CLN3: variants seen among roughly 807,000 people sequenced by gnomAD.
The protein encoded by CLN3 is CLN3 lysosomal/endosomal transmembrane protein, battenin, also known as battenin.
CLN3 carries 49 observed loss-of-function variants against 60.7 expected under a neutral mutation model. The ratio of observed to expected loss-of-function variants is 0.81; its 90% confidence interval spans 0.64 to 1.02. The LOEUF is 1.02. Ranked by LOEUF, CLN3 falls within the 50% of genes least tolerant of loss-of-function variation. CLN3 has a pLI of 0.00. For synonymous variants in CLN3, 256 were observed against 245.8 expected, an observed-to-expected ratio of 1.04 and a Z score of -0.39; for missense variants, 516 against 557.4, an observed-to-expected ratio of 0.93 and a Z score of 0.75.
rs2141693994 is a variant in CLN3 at position 28,477,727 on chromosome 16, C to T, written c.1197+10G>A. On this transcript the variant is annotated intron_variant, in intron 15 of 15. Coordinates refer to ENST00000636147, the MANE Select transcript of CLN3 (RefSeq NM_001042432.2). Reference sequence around the variant, plus strand: ...AGGCCACCCCCAGCCCTTGCCCGGCCAATGCTGACCTCCAGGGCGATGTTG... The same window carrying T: ...AGGCCACCCCCAGCCCTTGCCCGGCTAATGCTGACCTCCAGGGCGATGTTG... 1 of 1,614,166 alleles carries T rather than the reference C, an allele frequency of 6.2e-7. No individual in the cohort carries two copies.
At chr16:28,488,739 T>C in intron 4 of CLN3, 77 bp from the exon 5 acceptor site, 1 of 1,412,800 alleles carries the variant, frequency 7.1e-7, no homozygotes, top group South Asian at 1.1e-5. Flanking sequence ...GTCCCAGCTC[T>C]GCCTTCACTT....
chr16:28,478,368 C>A (rs1328109918), intron 14 of CLN3, among the ~76,000 whole-genome samples: 4 of 150,310 alleles, frequency 2.7e-5, no homozygotes, highest in Non-Finnish European at 5.9e-5. Context: ...GTAATACCAG[C>A]ACATTGGGAG....
chr16:28,467,580 TTGG>T, the CLN3 span, among the ~76,000 whole-genome samples: 1 of 142,362 alleles, frequency 7.0e-6, no homozygotes, highest in Admixed American at 7.1e-5. Context: ...TTGTTTTTGT[TTGG>T]TGTTTTGTTT....
chr16:28,491,134 G>T, intron 3 of CLN3: 2 of 266,976 alleles, frequency 7.5e-6, no homozygotes, highest in Non-Finnish European at 1.4e-5. Context: ...TAGTAGTGAT[G>T]CATTTATTTA....
At chr16:28,468,517 TAAC>T in the CLN3 span, among the ~76,000 whole-genome samples, 1 of 146,452 alleles carries the variant, frequency 6.8e-6, no homozygotes, top group Non-Finnish European at 1.5e-5. Context: ...GCTTAAAAAT[TAAC>T]AAGGTGGGCC....
At chr16:28,484,146 A>C (rs1261569445) in intron 9 of CLN3, 28 bp from the exon 10 acceptor site, 6 of 1,549,134 alleles carry the variant, frequency 3.9e-6, no homozygotes, top group Non-Finnish European at 5.3e-6. Flanking sequence ...GCAGGGTCAG[A>C]AAACCCTACT....
chr16:28,488,835 G>C (rs1449116310), intron 4 of CLN3, among the ~76,000 whole-genome samples, 173 bp from the exon 5 acceptor site: 4 of 152,188 alleles, frequency 2.6e-5, no homozygotes, highest in Non-Finnish European at 5.9e-5. Context: ...TTCCATATGA[G>C]TCTCACACTA....
At chr16:28,482,574 G>C (rs2046119182) in intron 11 of CLN3, 29 bp from the exon 12 acceptor site, 1 of 1,613,946 alleles carries the variant, frequency 6.2e-7, no homozygotes, top group African/African-American at 1.3e-5. Context: ...ATAAGCGGGG[G>C]GCCTGGAGGT....
chr16:28,481,911 C>T lies in CLN3; in HGVS notation c.1056+194G>A, dbSNP rs1197553209. 7.9e-5 allele frequency among the ~76,000 whole-genome samples: 12 copies of T among 151,062 alleles called. No homozygotes were observed. In the South Asian group the frequency reaches 1.5e-3, roughly 18 times the overall value. On this transcript the variant is annotated intron_variant, in intron 14 of 15. Coordinates refer to ENST00000636147, the MANE Select transcript of CLN3 (RefSeq NM_001042432.2). ...CTGAGGCAGGAGAGTCACTTGAACC[C>T]GGGAGGCAGAGGTTGCAGTAAGCCA...
intron 10 of CLN3, 108 bp from the exon 11 acceptor site, chr16:28,482,780 A>C: frequency 8.9e-5 from 104 of 1,164,024 alleles, no homozygotes; most frequent in Non-Finnish European, 1.3e-4. Context: ...GTGGGAACTC[A>C]CTTCCATGCC....
downstream of CLN3, among the ~76,000 whole-genome samples, chr16:28,474,923 C>G (rs1278762972): frequency 6.6e-6 from 1 of 152,038 alleles, no homozygotes; most frequent in Non-Finnish European, 1.5e-5. Flanking sequence ...AGCAACAAAG[C>G]AAGACCTCGT....
At chr16:28,486,906 C>CT (rs1275090420) in intron 7 of CLN3, 1 of 560,418 alleles carries the variant, frequency 1.8e-6, no homozygotes. Context: ...CTTCATCAGT[C>CT]TTTTTCTTTT....
intron 10 of CLN3, 72 bp from the exon 11 acceptor site, chr16:28,482,744 G>T: frequency 6.6e-7 from 1 of 1,525,640 alleles, no homozygotes; most frequent in Non-Finnish European, 9.1e-7. Context: ...GCACCGGTAT[G>T]ACAGAATTAA....
At chr16:28,490,816 C>A (rs1488667293) in intron 3 of CLN3, 2 of 146,718 alleles carry the variant, frequency 1.4e-5, no homozygotes, top group Non-Finnish European at 3.0e-5. Flanking sequence ...TGCTTGTAAT[C>A]TCAGCACTTT....
chr16:28,487,823 T>A, intron 5 of CLN3, 82 bp from the exon 6 acceptor site: 2 of 1,139,268 alleles, frequency 1.8e-6, no homozygotes, highest in Non-Finnish European at 2.6e-6. Flanking sequence ...AGGCAGGAGC[T>A]GGCCAAACAG....
chr16:28,483,973 A>T (rs1184491412), intron 10 of CLN3, 33 bp downstream of exon 10: 2 of 1,499,782 alleles, frequency 1.3e-6, no homozygotes, highest in Admixed American at 1.9e-5. Context: ...AGAGAGAAAG[A>T]AAGTGACCTC....
rs934785636 is a variant in CLN3, at chr16:28,483,875, A to C, written c.790+131T>G. 22 of 705,574 alleles carry C rather than the reference A, an allele frequency of 3.1e-5. No individual in the cohort carries two copies. The East Asian group carries it at 5.7e-4, about 18-fold the overall frequency. The allele number at this position is 705,574 out of a possible 1,614,324, so 43.7% of individuals were successfully genotyped here. ...GCTCGTCCTCAACAAGTATTTCTCAAATAGACAAAGGCTTTTCCCATAACC... is the reference window on the plus strand; with the variant it reads ...GCTCGTCCTCAACAAGTATTTCTCACATAGACAAAGGCTTTTCCCATAACC... On this transcript the variant is annotated intron_variant, in intron 10 of 15. Transcript: ENST00000636147.
chr16:28,483,028 C>T (rs1419197601), intron 10 of CLN3, among the ~76,000 whole-genome samples: 8 of 151,656 alleles, frequency 5.3e-5, no homozygotes, highest in African/African-American at 1.9e-4. Context: ...CACTTGAACC[C>T]AGGAGGCAGA....
intron 7 of CLN3, chr16:28,487,210 C>T: frequency 1.7e-6 from 1 of 587,680 alleles, no homozygotes; most frequent in South Asian, 1.9e-5. Context: ...TGTGCCTGGT[C>T]CATCACAGAG....
Sources: allele counts gnomAD v4.1 joint callset (sites outside exome capture counted in the v4.1 genomes callset), GRCh38; gene constraint gnomAD v4.1.1; transcripts MANE v1.5; gene names NCBI Gene and HGNC (gene_info 2026-07-23, HGNC 2026-07-21).